Variants in CACNG7 observed in about 807,000 individuals in gnomAD.
CACNG7 encodes voltage-dependent calcium channel gamma-7 subunit.
CACNG7 carries 9 observed loss-of-function variants against 26.3 expected under a neutral mutation model. The observed-to-expected ratio is 0.34, with a 90% confidence interval of 0.21 to 0.60. CACNG7 has a LOEUF of 0.60. Among genes scored for constraint, CACNG7 ranks in the 20% least tolerant of loss-of-function variants. The pLI is 0.81. For synonymous variants in CACNG7, 170 were observed against 157.0 expected (o/e 1.08, Z -0.62); for missense variants, 297 against 380.4 (o/e 0.78, Z 1.82).
At chr19:53,928,289 T>C (rs751290194) in intron 4 of CACNG7, among the ~76,000 whole-genome samples, 1 of 152,120 alleles carries the variant, frequency 6.6e-6, no homozygotes, top group Non-Finnish European at 1.5e-5. Context: ...ATTTACTTAT[T>C]GAGGCAGTGT....
intron 4 of CACNG7, among the ~76,000 whole-genome samples, chr19:53,924,338 GCAGGTCTGGTCATTGGTGGAGTTGTCCC>G (rs1568777347): frequency 1.2e-4 from 12 of 102,026 alleles, no homozygotes; most frequent in African/African-American, 5.0e-4. Flanking sequence ...TGGACTTGCC[GCAGGTCTGGTCATTGGTGGAGTTGTCCC>G]CAGGTCTGGT....
At chr19:53,922,507 G>T (rs2068969617) in intron 4 of CACNG7, among the ~76,000 whole-genome samples, 1 of 96,914 alleles carries the variant, frequency 1.0e-5, no homozygotes, top group African/African-American at 5.4e-5. Flanking sequence ...GTTGTCCCAG[G>T]TCTGGTCATT....
chr19:53,932,591 A>T (rs1049083845), intron 4 of CACNG7, among the ~76,000 whole-genome samples: 5 of 152,166 alleles, frequency 3.3e-5, no homozygotes, highest in African/African-American at 1.2e-4. Context: ...TTGGCCTCAT[A>T]AATGCCTCTT....
chr19:53,931,723 C>T lies in CACNG7; in HGVS notation c.425-9747C>T, dbSNP rs150357915. Among the ~76,000 whole-genome samples the T allele has an allele frequency of 6.9e-3, 1,005 of 145,196 alleles. 18 individuals are homozygous for T. The highest frequency in any genetic ancestry group is 0.025 in the African/African-American group (973 of 38,844). On this transcript the variant is annotated intron_variant, in intron 4 of 5. Coordinates refer to ENST00000391767, the MANE Select transcript of CACNG7 (RefSeq NM_031896.5). ...AAAAAAAAAAAGAAAGGAAAAAAAG[C>T]CTAATTCCACTACTATTTGTTTTTA...
intron 4 of CACNG7, among the ~76,000 whole-genome samples, chr19:53,921,713 C>CCCCAGGTCTGGTCATTGGTGGACT (rs2068955813): frequency 1.5e-5 from 1 of 67,498 alleles, no homozygotes; most frequent in African/African-American, 1.2e-4. Flanking sequence ...ATTGGTGGAG[C>CCCCAGGTCTGGTCATTGGTGGACT]TGTCCCAGGC....
intron 4 of CACNG7, among the ~76,000 whole-genome samples, chr19:53,935,180 G>A (rs1359735831): frequency 6.6e-6 from 1 of 152,032 alleles, no homozygotes; most frequent in Non-Finnish European, 1.5e-5. Flanking sequence ...CACTTCACTA[G>A]TTCAGCAAGT....
intron 4 of CACNG7, among the ~76,000 whole-genome samples, chr19:53,934,191 C>T (rs772561590): frequency 6.6e-6 from 1 of 152,198 alleles, no homozygotes; most frequent in Non-Finnish European, 1.5e-5. Context: ...GCCACTGCTC[C>T]CAGCTGCATC....
intron 2 of CACNG7, among the ~76,000 whole-genome samples, chr19:53,913,635 C>T (rs2068874520): frequency 6.6e-6 from 1 of 151,452 alleles, no homozygotes; most frequent in Non-Finnish European, 1.5e-5. Context: ...CTCACTCTCC[C>T]TAGCTCTGAC....
At chr19:53,928,577 A>G (rs902625936) in intron 4 of CACNG7, among the ~76,000 whole-genome samples, 3 of 151,772 alleles carry the variant, frequency 2.0e-5, no homozygotes, top group Admixed American at 2.0e-4. Flanking sequence ...ACCTGGCAGA[A>G]TGTTTGTTAT....
chr19:53,931,978 G>T (rs1208430672), intron 4 of CACNG7, among the ~76,000 whole-genome samples: 4 of 151,180 alleles, frequency 2.6e-5, no homozygotes, highest in Non-Finnish European at 5.9e-5. Flanking sequence ...AGCCAGGATG[G>T]TCTCGATCTC....
At chr19:53,922,006 A>G (rs1448068055) in intron 4 of CACNG7, among the ~76,000 whole-genome samples, 1 of 58,170 alleles carries the variant, frequency 1.7e-5, no homozygotes, top group Non-Finnish European at 2.9e-5. Flanking sequence ...TCATTGGTGG[A>G]GTTGTCCCCA....
At position 53,912,203 on chromosome 19, in the gene CACNG7, T is replaced by C. The variant is rs1412936901; in HGVS notation, c.-29-600T>C. ...TCAGAGTTGAGGTTATTGATCCTTG[T>C]TGGAGTCTGGTGTTCACAACCGGGG... On this transcript the variant is annotated intron_variant, in intron 1 of 5. Coordinates refer to ENST00000391767, the MANE Select transcript of CACNG7 (RefSeq NM_031896.5). This position sits in a 1 kb window ranked among gnomAD's most constrained non-coding sequence, Gnocchi z 4.6. Among the ~76,000 whole-genome samples the C allele has an allele frequency of 1.3e-5, 2 of 152,070 alleles. No homozygotes were observed. Among genetic ancestry groups the C allele is most frequent in the Admixed American group, 6.6e-5 (1 of 15,266 alleles).
rs2069132678 is a variant in CACNG7 at position 53,940,806 on chromosome 19, G to A, written c.425-664G>A. Among the ~76,000 whole-genome samples, 1 of 152,018 alleles carries A rather than the reference G, an allele frequency of 6.6e-6. No individual in the cohort carries two copies. On this transcript the variant is annotated intron_variant, in intron 4 of 5. Coordinates refer to ENST00000391767, the MANE Select transcript of CACNG7 (RefSeq NM_031896.5). This position sits in a 1 kb window ranked among gnomAD's most constrained non-coding sequence, Gnocchi z 4.1. ...GCGGTGGCTCAAACCTGTAATCTTA[G>A]CATTTGGGGAGGCCGAGGTGGGTGG...
intron 2 of CACNG7, 29 bp downstream of exon 2, chr19:53,913,056 C>T: frequency 2.5e-6 from 4 of 1,587,248 alleles, no homozygotes; most frequent in Non-Finnish European, 3.4e-6. Context: ...TTCCACTCAA[C>T]AGTTTCTGCC....
intron 1 of CACNG7, among the ~76,000 whole-genome samples, chr19:53,910,117 G>A (rs888863727): frequency 6.6e-5 from 10 of 152,230 alleles, no homozygotes; most frequent in African/African-American, 2.4e-4. Flanking sequence ...AACGGGGTGC[G>A]AGAATGTGGA....
intron 4 of CACNG7, among the ~76,000 whole-genome samples, chr19:53,921,966 TGGTCATTGGTGGAGTTGCCCCAGGC>T (rs2068960635): frequency 1.1e-5 from 1 of 89,998 alleles, no homozygotes; most frequent in Non-Finnish European, 2.1e-5. Flanking sequence ...GCCCCAGGCC[TGGTCATTGGTGGAGTTGCCCCAGGC>T]CTGGTCATTG....
At chr19:53,922,974 G>A (rs1377125865) in intron 4 of CACNG7, among the ~76,000 whole-genome samples, 1 of 96,504 alleles carries the variant, frequency 1.0e-5, no homozygotes. Flanking sequence ...TCTGGTCATT[G>A]GTGGAGTTGT....
At chr19:53,937,758 T>A (rs2145919471) in intron 4 of CACNG7, among the ~76,000 whole-genome samples, 1 of 152,182 alleles carries the variant, frequency 6.6e-6, no homozygotes, top group South Asian at 2.1e-4. Context: ...ACCCAGCTAA[T>A]TTTTGTATTT....
At chr19:53,930,097 G>T (rs987334165) in intron 4 of CACNG7, among the ~76,000 whole-genome samples, 1 of 141,164 alleles carries the variant, frequency 7.1e-6, no homozygotes, top group African/African-American at 2.7e-5. Flanking sequence ...AAAAAAAGCA[G>T]GTTAGGAGGA....
Sources: gnomAD v4.1 joint callset for allele counts (sites outside exome capture counted in the v4.1 genomes callset) on GRCh38, gnomAD v4.1.1 for gene constraint, Gnocchi (gnomAD v3.1) non-coding constraint, MANE v1.5 for transcripts, NCBI Gene and HGNC (gene_info 2026-07-23, HGNC 2026-07-21) for gene names.